PPP2R5E: variants seen among roughly 807,000 people sequenced by gnomAD.
The protein encoded by PPP2R5E is serine/threonine-protein phosphatase 2A 56 kDa regulatory subunit epsilon isoform.
In PPP2R5E, 4 loss-of-function variants were observed where a neutral mutation model predicts 65.3. That is an observed-to-expected ratio of 0.06 (90% confidence interval 0.03 to 0.14). PPP2R5E has a LOEUF of 0.14. Among genes scored for constraint, PPP2R5E ranks in the 10% least tolerant of loss-of-function variants. The probability of loss-of-function intolerance (pLI) is 1.00; values close to 1 mark genes in which losing one functional copy is unlikely to be tolerated. For synonymous variants in PPP2R5E, 183 were observed against 187.4 expected (o/e 0.98, Z 0.19); for missense variants, 274 against 556.1 (o/e 0.49, Z 5.10).
intron 2 of PPP2R5E, among the ~76,000 whole-genome samples, chr14:63,462,502 G>T (rs1176842580): frequency 6.6e-6 from 1 of 152,070 alleles, no homozygotes; most frequent in Non-Finnish European, 1.5e-5. Flanking sequence ...CTCCATTCAA[G>T]CACTTGCTAC....
intron 4 of PPP2R5E, among the ~76,000 whole-genome samples, chr14:63,415,857 A>G (rs1296897085): frequency 2.0e-5 from 3 of 152,198 alleles, no homozygotes; most frequent in African/African-American, 7.2e-5. Flanking sequence ...CATAACATAC[A>G]TCAGTATGTA....
chr14:63,484,667 G>A (rs148498587), intron 2 of PPP2R5E, among the ~76,000 whole-genome samples: 21 of 152,214 alleles, frequency 1.4e-4, no homozygotes, highest in African/African-American at 5.1e-4. Flanking sequence ...GAAAAAATTG[G>A]GAAGGCCAGA....
chr14:63,513,948 C>T (rs1362828959), intron 2 of PPP2R5E, among the ~76,000 whole-genome samples: 1 of 152,210 alleles, frequency 6.6e-6, no homozygotes, highest in African/African-American at 2.4e-5. Flanking sequence ...AGGTACTATG[C>T]TCTTTAGGTC....
intron 3 of PPP2R5E, among the ~76,000 whole-genome samples, chr14:63,448,816 C>G (rs1485257246): frequency 6.7e-6 from 1 of 149,476 alleles, no homozygotes; most frequent in Non-Finnish European, 1.5e-5. Flanking sequence ...AAGCAACCCC[C>G]AATATCTATG....
chr14:63,463,651 C>T (rs1230918957), intron 2 of PPP2R5E, among the ~76,000 whole-genome samples: 3 of 150,896 alleles, frequency 2.0e-5, no homozygotes, highest in Non-Finnish European at 4.4e-5. Flanking sequence ...GGCTGCAGTG[C>T]AGTGGCACGA....
chr14:63,464,864 A>G (rs1889700100), intron 2 of PPP2R5E, among the ~76,000 whole-genome samples: 1 of 152,150 alleles, frequency 6.6e-6, no homozygotes, highest in South Asian at 2.1e-4. Flanking sequence ...CTTTACTAAA[A>G]ATATAAAAAT....
intron 4 of PPP2R5E, among the ~76,000 whole-genome samples, chr14:63,420,313 A>G (rs1187588741): frequency 4.6e-5 from 7 of 152,346 alleles, no homozygotes; most frequent in Non-Finnish European, 1.0e-4. Context: ...CCAAACATTA[A>G]GAGTAAGACA....
At chr14:63,388,170 C>T (rs1226658027) in intron 11 of PPP2R5E, among the ~76,000 whole-genome samples, 2 of 145,660 alleles carry the variant, frequency 1.4e-5, no homozygotes, top group East Asian at 2.0e-4. Flanking sequence ...GATGGAGTTT[C>T]GCTCTTGTTG....
Position 63,422,038 on chromosome 14 carries a change from T to C in PPP2R5E, c.411A>G (p.Pro137=), listed in dbSNP as rs1887055570. 2 of 1,613,800 alleles carry C rather than the reference T, an allele frequency of 1.2e-6. No homozygotes were observed. The highest frequency in any genetic ancestry group is 1.7e-6 in the Non-Finnish European group (2 of 1,179,780). Reference sequence around the variant, plus strand: ...CCTCAAGGGTAGGTTCATCTTCTTCTGGATCAAATTCATTGCTGTCACTAG... The same window carrying C: ...CCTCAAGGGTAGGTTCATCTTCTTCCGGATCAAATTCATTGCTGTCACTAG... ...LPPSDSNEFD[P]EEDEPTLEAS... Residue 137 remains proline, a synonymous_variant, in exon 4 of 14, where the codon CCA becomes CCG. Transcript: ENST00000337537.
rs183509312 is a variant in PPP2R5E at position 63,516,071 on chromosome 14, G to A, written c.157+23458C>T. On this transcript the variant is annotated intron_variant, in intron 2 of 13. Coordinates refer to ENST00000337537, the MANE Select transcript of PPP2R5E (RefSeq NM_006246.5). ...TCACCATGTTAGCCAGGATGGTCTC[G>A]ATCTCCTGACCTTGTGATCCGCCCA... is the stretch of plus-strand genomic sequence containing the variant. Among the ~76,000 whole-genome samples the A allele has an allele frequency of 5.7e-3, 860 of 151,864 alleles. 8 individuals are homozygous for A. The highest frequency in any genetic ancestry group is 0.02 in the African/African-American group (813 of 41,430).
At chr14:63,503,263 G>A (rs1189256787) in intron 2 of PPP2R5E, among the ~76,000 whole-genome samples, 2 of 152,112 alleles carry the variant, frequency 1.3e-5, no homozygotes, top group East Asian at 1.9e-4. Flanking sequence ...TGAGCCCTAA[G>A]GAGACAGAAG....
intron 7 of PPP2R5E, among the ~76,000 whole-genome samples, chr14:63,394,521 AC>A (rs1885214251): frequency 6.6e-6 from 1 of 151,836 alleles, no homozygotes; most frequent in African/African-American, 2.4e-5. Flanking sequence ...CTTTATCAAA[AC>A]CCTTTATTTT....
chr14:63,450,914 A>C (rs1169899461), intron 3 of PPP2R5E, among the ~76,000 whole-genome samples: 1 of 152,200 alleles, frequency 6.6e-6, no homozygotes, highest in African/African-American at 2.4e-5. Context: ...TGAAGGGAAA[A>C]TGAGAATTAG....
intron 3 of PPP2R5E, among the ~76,000 whole-genome samples, chr14:63,447,935 A>T (rs1176804730): frequency 6.6e-6 from 1 of 152,224 alleles, no homozygotes; most frequent in African/African-American, 2.4e-5. Flanking sequence ...GAGCAGTCAC[A>T]ACACATACAA....
chr14:63,396,776 T>C (rs1885419357), intron 5 of PPP2R5E, 60 bp from the exon 6 acceptor site: 20 of 1,574,584 alleles, frequency 1.3e-5, no homozygotes, highest in Non-Finnish European at 1.6e-5. Flanking sequence ...GATTTAGGAA[T>C]TCTATTATTT....
At chr14:63,437,276 G>A (rs1566701656) in intron 3 of PPP2R5E, among the ~76,000 whole-genome samples, 1 of 152,158 alleles carries the variant, frequency 6.6e-6, no homozygotes, top group South Asian at 2.1e-4. Flanking sequence ...TAATCAAGAA[G>A]TAACCATAAA....
At chr14:63,470,715 CA>C (rs1487084225) in intron 2 of PPP2R5E, among the ~76,000 whole-genome samples, 2 of 127,672 alleles carry the variant, frequency 1.6e-5, no homozygotes, top group Non-Finnish European at 3.1e-5. Flanking sequence ...AAGCCTTTAT[CA>C]ACAGATTAAA....
chr14:63,509,873 G>A (rs1000333886), intron 2 of PPP2R5E, among the ~76,000 whole-genome samples: 4 of 152,144 alleles, frequency 2.6e-5, no homozygotes, highest in Non-Finnish European at 4.4e-5. Flanking sequence ...AATTTGGTAC[G>A]TAGATCTGAG....
intron 12 of PPP2R5E, 81 bp downstream of exon 12, chr14:63,384,363 G>T: frequency 6.7e-7 from 1 of 1,482,666 alleles, no homozygotes; most frequent in Non-Finnish European, 9.4e-7. Flanking sequence ...AACAAGGACA[G>T]CATCTGGCAC....
Sources: allele counts gnomAD v4.1 joint callset (sites outside exome capture counted in the v4.1 genomes callset), GRCh38; gene constraint gnomAD v4.1.1; transcripts MANE v1.5; gene names NCBI Gene and HGNC (gene_info 2026-07-23, HGNC 2026-07-21).